Variants in VAV3 observed in about 807,000 individuals in gnomAD.
The protein encoded by VAV3 is guanine nucleotide exchange factor VAV3.
Under a neutral mutation model 131.2 loss-of-function variants are expected in VAV3, and 94 were observed. That is an observed-to-expected ratio of 0.72 (90% CI 0.61 to 0.85). The LOEUF (loss-of-function observed/expected upper bound fraction) is 0.85, where lower values mean the gene tolerates loss of function less well. Among genes scored for constraint, VAV3 ranks in the 40% least tolerant of loss-of-function variants. The pLI is 0.00. For synonymous variants in VAV3, 349 were observed against 342.0 expected (o/e 1.02, Z -0.22); for missense variants, 939 against 1,002.7 (o/e 0.94, Z 0.86).
intron 1 of VAV3, among the ~76,000 whole-genome samples, chr1:107,907,171 C>T (rs12120601): frequency 0.16 from 24,261 of 152,058 alleles, 2,033 homozygotes; most frequent in South Asian, 0.22. Context: ...CAATCGGACT[C>T]GGAAATTACA....
chr1:107,670,740 T>G (rs1286032932), intron 19 of VAV3, among the ~76,000 whole-genome samples: 5 of 152,200 alleles, frequency 3.3e-5, no homozygotes, highest in African/African-American at 7.2e-5. Flanking sequence ...CCCTCAAATC[T>G]GAGTGCTTCA....
chr1:107,641,484 T>C (rs545674105), intron 20 of VAV3, among the ~76,000 whole-genome samples: 1 of 152,178 alleles, frequency 6.6e-6, no homozygotes, highest in Non-Finnish European at 1.5e-5. Flanking sequence ...AATTCGAGAA[T>C]TTAATGAACA....
chr1:107,774,687 C>T (rs1258306754), intron 4 of VAV3, among the ~76,000 whole-genome samples: 1 of 152,142 alleles, frequency 6.6e-6, no homozygotes, highest in African/African-American at 2.4e-5. Context: ...CATTACCTGC[C>T]CTCTCCACTC....
intron 2 of VAV3, among the ~76,000 whole-genome samples, chr1:107,798,787 A>G (rs1557854362): frequency 6.7e-6 from 1 of 148,910 alleles, no homozygotes; most frequent in Non-Finnish European, 1.5e-5. Context: ...ACTATCTAGG[A>G]GGTGAAACTG....
chr1:107,941,401 A>G (rs1247701264), intron 1 of VAV3, among the ~76,000 whole-genome samples: 1 of 152,172 alleles, frequency 6.6e-6, no homozygotes, highest in Non-Finnish European at 1.5e-5. Context: ...TTGGGCTGTA[A>G]AAACTGCTTC....
intron 19 of VAV3, among the ~76,000 whole-genome samples, chr1:107,671,384 A>G (rs1657781732): frequency 6.6e-6 from 1 of 152,264 alleles, no homozygotes; most frequent in Non-Finnish European, 1.5e-5. Flanking sequence ...CTTCTCCAAG[A>G]AAGTCTATTT....
chr1:107,709,945 A>G (rs549790361), intron 15 of VAV3, among the ~76,000 whole-genome samples: 1 of 152,362 alleles, frequency 6.6e-6, no homozygotes, highest in Non-Finnish European at 1.5e-5. Context: ...CAATATTTTT[A>G]CAAAAAACTA....
chr1:107,847,528 C>T (rs1669025393), intron 2 of VAV3, among the ~76,000 whole-genome samples: 1 of 151,810 alleles, frequency 6.6e-6, no homozygotes, highest in Non-Finnish European at 1.5e-5. Flanking sequence ...GCTAGCCACA[C>T]TAATAAAGAT....
At chr1:107,619,858 T>C (rs1653438226) in intron 20 of VAV3, among the ~76,000 whole-genome samples, 1 of 152,196 alleles carries the variant, frequency 6.6e-6, no homozygotes, top group Admixed American at 6.5e-5. Flanking sequence ...GCCAATGTAA[T>C]GCTATCTACT....
chr1:107,905,993 G>T (rs11185213), intron 1 of VAV3, among the ~76,000 whole-genome samples: 24,236 of 151,998 alleles, frequency 0.16, 2,026 homozygotes, highest in South Asian at 0.22. Context: ...GAAGCAAAGG[G>T]CACCACCAGA....
At chr1:107,705,161 G>A (rs571692875) in intron 15 of VAV3, 100 bp from the exon 16 acceptor site, 1 of 931,034 alleles carries the variant, frequency 1.1e-6, no homozygotes, top group African/African-American at 1.6e-5. Context: ...ATCAGGTAGA[G>A]ATCTGATTCA....
chr1:107,732,941 C>T (rs1266110584), intron 15 of VAV3, among the ~76,000 whole-genome samples: 1 of 152,190 alleles, frequency 6.6e-6, no homozygotes, highest in Non-Finnish European at 1.5e-5. Context: ...TGTAGCCTAA[C>T]TGGGAGACAT....
At position 107,793,292 on chromosome 1, in the gene VAV3, C is replaced by A. The variant is rs553915465; in HGVS notation, c.322-13800G>T. The stretch of plus-strand genomic sequence containing the variant: ...AGTGTGTAACTAAAACCACAAAAAC[C>A]AAAACAGCCTGTCATGAACGCTACA... On this transcript the variant is annotated intron_variant, in intron 2 of 26. Transcript: ENST00000370056. 4.6e-5 allele frequency among the ~76,000 whole-genome samples: 7 copies of A among 152,262 alleles called. No individual in the cohort carries two copies. In the South Asian group the frequency reaches 8.3e-4, roughly 18 times the overall value.
At chr1:107,753,206 A>G (rs996136441) in intron 12 of VAV3, among the ~76,000 whole-genome samples, 2 of 152,130 alleles carry the variant, frequency 1.3e-5, no homozygotes, top group Non-Finnish European at 2.9e-5. Context: ...AAAGCCAGTC[A>G]TGAAATGGCA....
chr1:107,845,029 G>A (rs190727195), intron 2 of VAV3, among the ~76,000 whole-genome samples: 16 of 152,246 alleles, frequency 1.1e-4, no homozygotes, highest in Non-Finnish European at 2.1e-4. Flanking sequence ...TCCCAGCAGG[G>A]GTCGACAGAC....
intron 2 of VAV3, among the ~76,000 whole-genome samples, chr1:107,839,424 A>G (rs558848695): frequency 2.6e-4 from 39 of 152,278 alleles, no homozygotes; most frequent in Middle Eastern, 3.4e-3. Context: ...AACACACTCA[A>G]GTAACTTATG....
intron 1 of VAV3, among the ~76,000 whole-genome samples, chr1:107,934,568 C>T (rs955546169): frequency 3.3e-5 from 5 of 152,116 alleles, no homozygotes; most frequent in South Asian, 2.1e-4. Flanking sequence ...CCAGGAGGAA[C>T]GGCTCCTATG....
At chr1:107,582,170 G>C (rs1570554713) in intron 25 of VAV3, among the ~76,000 whole-genome samples, 1 of 152,148 alleles carries the variant, frequency 6.6e-6, no homozygotes, top group African/African-American at 2.4e-5. Context: ...GCTTTGATGA[G>C]CAGTCTAGGA....
chr1:107,679,820 T>A lies in VAV3; in HGVS notation c.1777+3668A>T, dbSNP rs1022239885. Among the ~76,000 whole-genome samples, 5 of 152,322 alleles carry A rather than the reference T, an allele frequency of 3.3e-5. No homozygotes were observed. In the East Asian group the frequency reaches 7.7e-4, roughly 23 times the overall value. On this transcript the variant is annotated intron_variant, in intron 19 of 26. Transcript: ENST00000370056. Reference sequence around the variant, plus strand: ...CTCCGTGTTCCTGAAATAATTGATATGTCTGTTACAAGTGTTATTTTCCTG... The same window carrying A: ...CTCCGTGTTCCTGAAATAATTGATAAGTCTGTTACAAGTGTTATTTTCCTG...
Sources: allele counts gnomAD v4.1 joint callset (sites outside exome capture counted in the v4.1 genomes callset), GRCh38; gene constraint gnomAD v4.1.1; transcripts MANE v1.5; gene names NCBI Gene and HGNC (gene_info 2026-07-23, HGNC 2026-07-21).